The following MPP2 variants were observed in gnomAD, a reference collection of about 807,000 sequenced individuals.
MPP2 encodes the protein MAGUK p55 scaffold protein 2, also known as MAGUK p55 subfamily member 2.
Under a neutral mutation model 58.5 loss-of-function variants are expected in MPP2, and 42 were observed. The observed-to-expected ratio is 0.72, with a 90% CI of 0.56 to 0.93. The LOEUF (loss-of-function observed/expected upper bound fraction) is 0.93. MPP2 is among the 40% of genes least tolerant of loss of function. The pLI is 0.00. For missense variants in MPP2, 632 were observed against 760.4 expected (o/e 0.83, Z 1.99); for synonymous variants, 300 against 307.8 (o/e 0.97, Z 0.26).
intron 2 of MPP2, chr17:43,901,244 G>A: frequency 2.0e-6 from 2 of 984,890 alleles, no homozygotes; most frequent in Non-Finnish European, 2.4e-6. Flanking sequence ...GGGGGAGGTG[G>A]CATCGCTGTG....
Position 43,882,757 on chromosome 17 carries a change from G to A in MPP2, c.453+146C>T, listed in dbSNP as rs147032937. On this transcript the variant is annotated intron_variant, in intron 5 of 12. Transcript: ENST00000269095. ...TCTATGGTCTCCTGGGTCTTCCCCC[G>A]ACCCTTTGCTGCATCAATCCTTCCC... 7.2e-3 allele frequency: 9,013 copies of A among 1,253,080 alleles called. 57 individuals carry two copies. Among genetic ancestry groups the A allele is most frequent in the Middle Eastern group, 0.037 (135 of 3,640 alleles). The allele number at this position is 1,253,080 out of a possible 1,614,324, so 77.6% of individuals were successfully genotyped here.
intron 2 of MPP2, among the ~76,000 whole-genome samples, chr17:43,903,683 T>C (rs2048183683): frequency 6.6e-6 from 1 of 152,162 alleles, no homozygotes; most frequent in African/African-American, 2.4e-5. Context: ...CCAGAACTTG[T>C]CTCAAAAACA....
Position 43,879,878 on chromosome 17 carries a change from AT to A in MPP2, c.1256del (p.His419LeufsTer35). 6.2e-7 allele frequency: 1 copy of A among 1,614,018 alleles called. No individual in the cohort carries two copies. Among genetic ancestry groups the A allele is most frequent in the Non-Finnish European group, 8.5e-7 (1 of 1,179,976 alleles). ...ADVRAGRYLE[H>X]GEYEGNLYGT... The stretch of plus-strand genomic sequence containing the variant: ...CATACAGGTTGCCCTCGTATTCGCC[AT>A]GCTCCAGGTAGCGCCCAGCACGGAC... On this transcript the variant is annotated frameshift_variant, in exon 11 of 13. Coordinates refer to ENST00000269095, the MANE Select transcript of MPP2 (RefSeq NM_005374.5). LOFTEE classifies it high-confidence loss of function. This position sits in a 1 kb window ranked among gnomAD's most constrained non-coding sequence, Gnocchi z 4.1.
At chr17:43,904,578 G>A (rs2048218983) in intron 1 of MPP2, 85 bp from the exon 2 acceptor site, 2 of 1,223,840 alleles carry the variant, frequency 1.6e-6, no homozygotes, top group Non-Finnish European at 2.4e-6. Flanking sequence ...TTCAGGACGA[G>A]CCAGAAAGGT....
chr17:43,898,180 GC>G, intron 3 of MPP2, 81 bp downstream of exon 3: 1 of 1,067,732 alleles, frequency 9.4e-7, no homozygotes. Context: ...CATTCCCAAA[GC>G]CCTCTGTAGC....
intron 3 of MPP2, among the ~76,000 whole-genome samples, chr17:43,892,230 C>T (rs750016543): frequency 6.6e-6 from 1 of 152,244 alleles, no homozygotes. Context: ...CATCCCCAGA[C>T]AGAGTCAAGC....
chr17:43,898,863 G>T (rs927784359), intron 2 of MPP2, among the ~76,000 whole-genome samples: 2 of 151,888 alleles, frequency 1.3e-5, no homozygotes, highest in African/African-American at 4.8e-5. Context: ...TACTCAGGAG[G>T]CTGAGGCAGG....
rs530591664 is a variant in MPP2 at position 43,879,632 on chromosome 17, G to C, written c.1353+150C>G. 9.8e-7 allele frequency: 1 copy of C among 1,017,050 alleles called. No homozygotes were observed. Among genetic ancestry groups the C allele is most frequent in the African/African-American group, 1.6e-5 (1 of 62,882 alleles). The allele number at this position is 1,017,050 out of a possible 1,614,324, so 63.0% of individuals were successfully genotyped here. On this transcript the variant is annotated intron_variant, in intron 11 of 12. Coordinates refer to ENST00000269095, the MANE Select transcript of MPP2 (RefSeq NM_005374.5). This position sits in a 1 kb window ranked among gnomAD's most constrained non-coding sequence, Gnocchi z 4.1. ...GTGGGGACTCTGGAAGGCTGAGAAA[G>C]GTTCCAGGTGGGCTGGGTTTCTAGC... is the stretch of plus-strand genomic sequence containing the variant.
chr17:43,886,800 C>A (rs2047388117), intron 3 of MPP2, among the ~76,000 whole-genome samples: 1 of 152,150 alleles, frequency 6.6e-6, no homozygotes, highest in African/African-American at 2.4e-5. Context: ...GCTTACTTTG[C>A]ATTTTGCTTA....
Position 43,877,703 on chromosome 17 carries a change from G to C in MPP2, c.*104C>G. ...GGGAGCTGTTACCCAAGGACAGCCA[G>C]ATATGGGGGCTAAGGATTGTGGCAG... On this transcript the variant is annotated 3_prime_UTR_variant, in exon 13 of 13. Coordinates refer to ENST00000269095, the MANE Select transcript of MPP2 (RefSeq NM_005374.5). 9.7e-7 allele frequency: 1 copy of C among 1,026,374 alleles called. No homozygotes were observed. Among genetic ancestry groups the C allele is most frequent in the Non-Finnish European group, 1.5e-6 (1 of 679,052 alleles). The allele number at this position is 1,026,374 out of a possible 1,614,324, so 63.6% of individuals were successfully genotyped here. A position where few individuals can be genotyped will look rare whatever the true frequency, so the allele number is the denominator to read the frequency against.
At chr17:43,883,837 G>A (rs2047252092) in intron 3 of MPP2, among the ~76,000 whole-genome samples, 1 of 152,120 alleles carries the variant, frequency 6.6e-6, no homozygotes, top group African/African-American at 2.4e-5. Context: ...GCGAATGAGG[G>A]GACAGGAAAT....
rs1051545306 is a variant in MPP2, at chr17:43,877,577, G to A, written c.*230C>T. On this transcript the variant is annotated 3_prime_UTR_variant, in exon 13 of 13. Coordinates refer to ENST00000269095, the MANE Select transcript of MPP2 (RefSeq NM_005374.5). Reference sequence around the variant, plus strand: ...CCCTCAGAGATATCTGGTGACCAATGGGCATCAGGAGTGGGCAGCACCTGG... The same window carrying A: ...CCCTCAGAGATATCTGGTGACCAATAGGCATCAGGAGTGGGCAGCACCTGG... 2 of 548,526 alleles carry A rather than the reference G, an allele frequency of 3.6e-6. No homozygotes were observed. The highest frequency in any genetic ancestry group is 3.8e-5 in the African/African-American group (2 of 53,222). The allele number at this position is 548,526 out of a possible 1,614,324, so 34.0% of individuals were successfully genotyped here.
chr17:43,909,285 C>T (rs1463755197), upstream of MPP2, among the ~76,000 whole-genome samples: 1 of 152,064 alleles, frequency 6.6e-6, no homozygotes, highest in Non-Finnish European at 1.5e-5. Flanking sequence ...AGGCTGGTCT[C>T]GAACTCCTGA....
intron 1 of MPP2, chr17:43,907,133 T>C (rs1199721943): frequency 7.2e-6 from 7 of 974,408 alleles, no homozygotes; most frequent in Non-Finnish European, 8.5e-6. Flanking sequence ...TCTTACGTAA[T>C]GCCGGGCTTC....
intron 2 of MPP2, among the ~76,000 whole-genome samples, chr17:43,902,467 C>A (rs985826824): frequency 6.6e-6 from 1 of 152,182 alleles, no homozygotes; most frequent in Non-Finnish European, 1.5e-5. Flanking sequence ...TACAGTGGGG[C>A]CTAGGCAGGC....
rs1208149210 is a variant in MPP2 at position 43,875,896 on chromosome 17, T to C, written c.*1911A>G. 1 of 151,794 alleles carries C rather than the reference T, an allele frequency of 6.6e-6. No homozygotes were observed. The allele number at this position is 151,794 out of a possible 1,614,324, so 9.4% of individuals were successfully genotyped here. A position where few individuals can be genotyped will look rare whatever the true frequency, so the allele number is the denominator to read the frequency against. On this transcript the variant is annotated 3_prime_UTR_variant, in exon 13 of 13. Coordinates refer to ENST00000269095, the MANE Select transcript of MPP2 (RefSeq NM_005374.5). ...CTACCCTCAAATCCCCCAGAGAAGGTAGGAAATGGCAAGTGACCCTATAGC... is the reference window on the plus strand; with the variant it reads ...CTACCCTCAAATCCCCCAGAGAAGGCAGGAAATGGCAAGTGACCCTATAGC...
chr17:43,888,606 A>G (rs932040090), intron 3 of MPP2, among the ~76,000 whole-genome samples: 13 of 152,238 alleles, frequency 8.5e-5, no homozygotes, highest in Admixed American at 1.3e-4. Context: ...GCTCTGGCAC[A>G]GGTGTCCTGA....
rs758336339 is a variant in MPP2, at chr17:43,880,619, G to A, written c.1150+72C>T. 198 of 1,478,114 alleles carry A rather than the reference G, an allele frequency of 1.3e-4. No individual in the cohort carries two copies. Among genetic ancestry groups the A allele is most frequent in the Non-Finnish European group, 1.2e-4 (135 of 1,103,502 alleles). 91.6% of individuals were successfully genotyped at this position (1,478,114 alleles called of 1,614,324 possible). A position where few individuals can be genotyped will look rare whatever the true frequency, so the allele number is the denominator to read the frequency against. ...TGGTGCCCATGAAGATGCCCATTCG[G>A]TGGGCCCAGCCCTGGCCCCAGGGGA... On this transcript the variant is annotated intron_variant, in intron 10 of 12. Transcript: ENST00000269095. The surrounding 1 kb of genome is among the most constrained non-coding windows in gnomAD (Gnocchi z 5.2).
chr17:43,906,392 T>G (rs1157291571), intron 1 of MPP2, among the ~76,000 whole-genome samples: 1 of 152,168 alleles, frequency 6.6e-6, no homozygotes, highest in Non-Finnish European at 1.5e-5. Context: ...CCCAGACATC[T>G]GGGAACCTGC....
Sources: gnomAD v4.1 joint callset for allele counts (sites outside exome capture counted in the v4.1 genomes callset) on GRCh38, gnomAD v4.1.1 for gene constraint, Gnocchi (gnomAD v3.1) non-coding constraint, MANE v1.5 for transcripts, NCBI Gene and HGNC (gene_info 2026-07-23, HGNC 2026-07-21) for gene names.